The following SLC13A3 variants were observed in gnomAD, a reference collection of about 807,000 sequenced individuals.
SLC13A3 encodes Na(+)/dicarboxylate cotransporter 3.
Under a neutral mutation model 59.0 loss-of-function variants are expected in SLC13A3, and 40 were observed. The ratio of observed to expected loss-of-function variants is 0.68; its 90% CI spans 0.53 to 0.88. SLC13A3 has a LOEUF of 0.88. SLC13A3 is among the 40% of genes least tolerant of loss of function. The pLI, the probability that SLC13A3 is intolerant of heterozygous loss-of-function variation, is 0.00. For synonymous variants in SLC13A3, 317 were observed against 330.3 expected (o/e 0.96, Z 0.44); for missense variants, 699 against 783.2 (o/e 0.89, Z 1.28).
intron 3 of SLC13A3, among the ~76,000 whole-genome samples, chr20:46,604,461 A>T (rs2062415666): frequency 6.6e-6 from 1 of 152,188 alleles, no homozygotes; most frequent in Admixed American, 6.5e-5. Flanking sequence ...ACACAAAAAA[A>T]GTTTGATTTT....
intron 10 of SLC13A3, among the ~76,000 whole-genome samples, chr20:46,570,210 A>G (rs1654385857): frequency 6.6e-6 from 1 of 152,132 alleles, no homozygotes; most frequent in Non-Finnish European, 1.5e-5. Context: ...CACACGAAAC[A>G]CTCTCTGTAC....
intron 1 of SLC13A3, among the ~76,000 whole-genome samples, chr20:46,627,196 A>G (rs1236323912): frequency 6.6e-6 from 1 of 152,248 alleles, no homozygotes; most frequent in Non-Finnish European, 1.5e-5. Flanking sequence ...AATAAATGAT[A>G]TAAAGTCATT....
intron 1 of SLC13A3, among the ~76,000 whole-genome samples, chr20:46,676,551 G>A (rs566677826): frequency 4.0e-5 from 6 of 151,662 alleles, no homozygotes; most frequent in Non-Finnish European, 8.8e-5. Context: ...CACTGCGCCC[G>A]GCCCCTTTTT....
upstream of SLC13A3, among the ~76,000 whole-genome samples, chr20:46,671,566 A>G (rs2063092074): frequency 6.6e-6 from 1 of 152,154 alleles, no homozygotes; most frequent in South Asian, 2.1e-4. Flanking sequence ...ACCAAATCAC[A>G]GTGTGGGTTC....
intron 1 of SLC13A3, among the ~76,000 whole-genome samples, chr20:46,681,377 T>C (rs2063152958): frequency 6.6e-6 from 1 of 150,438 alleles, no homozygotes; most frequent in African/African-American, 2.5e-5. Context: ...GAGAGGGGCA[T>C]GGACTTGGGA....
At position 46,575,696 on chromosome 20, in the gene SLC13A3, A is replaced by G. The variant is rs1284685757; in HGVS notation, c.1220-11T>C. 2 of 1,544,516 alleles carry G rather than the reference A, an allele frequency of 1.3e-6. No individual in the cohort carries two copies. The highest frequency in any genetic ancestry group is 2.3e-5 in the East Asian group (1 of 42,884). On this transcript the variant is annotated splice_polypyrimidine_tract_variant and intron_variant, in intron 9 of 12. Coordinates refer to ENST00000279027, the MANE Select transcript of SLC13A3 (RefSeq NM_022829.6). ...TCTCTGTGTTGGGAGCTGGGCAGAG[A>G]GAGGGATTCAGCACACACTCAGGGC...
At chr20:46,638,660 A>G (rs1415361819) in intron 1 of SLC13A3, among the ~76,000 whole-genome samples, 1 of 152,216 alleles carries the variant, frequency 6.6e-6, no homozygotes, top group African/African-American at 2.4e-5. Context: ...CTCACAGGCT[A>G]GCATGCCCCT....
rs535268371 is a variant in SLC13A3, at chr20:46,566,142, C to T, written c.1494+87G>A. On this transcript the variant is annotated intron_variant, in intron 11 of 12. Transcript: ENST00000279027. Reference sequence around the variant, plus strand: ...TGGAAGACAGCAATGGCAACTGTGGCCCCCAGTGAAGGTCCCTTGGCGGGG... The same window carrying T: ...TGGAAGACAGCAATGGCAACTGTGGTCCCCAGTGAAGGTCCCTTGGCGGGG... 3.0e-5 allele frequency: 33 copies of T among 1,100,666 alleles called. No homozygotes were observed. In the East Asian group the frequency reaches 3.9e-4, roughly 13 times the overall value. 68.2% of individuals were successfully genotyped at this position (1,100,666 alleles called of 1,614,324 possible).
At chr20:46,625,862 G>A (rs1376957271) in intron 1 of SLC13A3, among the ~76,000 whole-genome samples, 1 of 152,176 alleles carries the variant, frequency 6.6e-6, no homozygotes, top group Admixed American at 6.5e-5. Flanking sequence ...CTGCTGAGTA[G>A]TATTCCATTC....
At chr20:46,635,364 C>G (rs1402016661) in intron 1 of SLC13A3, among the ~76,000 whole-genome samples, 2 of 152,152 alleles carry the variant, frequency 1.3e-5, no homozygotes, top group African/African-American at 2.4e-5. Context: ...TCTACCGAGG[C>G]CAAGAAGCAC....
chr20:46,682,506 C>T (rs558523235), intron 1 of SLC13A3: 2 of 151,782 alleles, frequency 1.3e-5, no homozygotes, highest in East Asian at 1.9e-4. Context: ...TTAAATGTTC[C>T]AGGAATGTGG....
At chr20:46,621,070 G>C (rs2062609554) in intron 1 of SLC13A3, among the ~76,000 whole-genome samples, 1 of 152,190 alleles carries the variant, frequency 6.6e-6, no homozygotes, top group South Asian at 2.1e-4. Flanking sequence ...CAACATTTTT[G>C]GGGGGATGCT....
intron 1 of SLC13A3, among the ~76,000 whole-genome samples, chr20:46,662,292 T>A (rs908142613): frequency 6.6e-6 from 1 of 152,198 alleles, no homozygotes; most frequent in Non-Finnish European, 1.5e-5. Context: ...AGCAACAGTC[T>A]CTTATCATTT....
At position 46,575,436 on chromosome 20, in the gene SLC13A3, G is replaced by C; in HGVS notation, c.1332+137C>G. 8.0e-6 allele frequency: 4 copies of C among 499,294 alleles called. No homozygotes were observed. The Admixed American group carries it at 1.5e-4, about 19-fold the overall frequency. The allele number at this position is 499,294 out of a possible 1,614,324, so 30.9% of individuals were successfully genotyped here. On this transcript the variant is annotated intron_variant, in intron 10 of 12. Transcript: ENST00000279027. ...AATGAACTATGATCATCTCAGTTTG[G>C]CAAGTGAGGAAACTGGCTGTGCCCC...
At chr20:46,582,558 G>C in intron 9 of SLC13A3, 3 of 820,872 alleles carry the variant, frequency 3.7e-6, no homozygotes, top group Non-Finnish European at 4.4e-6. Flanking sequence ...AGCTGTGATG[G>C]TGCTACTGCA....
At chr20:46,614,281 G>A (rs567177751) in intron 1 of SLC13A3, among the ~76,000 whole-genome samples, 1 of 152,286 alleles carries the variant, frequency 6.6e-6, no homozygotes, top group Admixed American at 6.5e-5. Flanking sequence ...GGGGGACAGG[G>A]CATATCATGC....
At chr20:46,622,877 C>A (rs2062630702) in intron 1 of SLC13A3, among the ~76,000 whole-genome samples, 1 of 152,124 alleles carries the variant, frequency 6.6e-6, no homozygotes, top group Admixed American at 6.5e-5. Flanking sequence ...AGAGGAACTT[C>A]CTGATAAAAA....
intron 1 of SLC13A3, among the ~76,000 whole-genome samples, chr20:46,618,726 A>G (rs1173862003): frequency 6.6e-6 from 1 of 152,188 alleles, no homozygotes; most frequent in Non-Finnish European, 1.5e-5. Context: ...ATATATTTCT[A>G]TTGTTTAAAT....
At chr20:46,581,665 G>A (rs374832171) in intron 9 of SLC13A3, among the ~76,000 whole-genome samples, 5 of 152,218 alleles carry the variant, frequency 3.3e-5, no homozygotes, top group African/African-American at 9.6e-5. Context: ...GGAGCAGAAA[G>A]TATGAGGGGC....
Sources: allele counts gnomAD v4.1 joint callset (sites outside exome capture counted in the v4.1 genomes callset), GRCh38; gene constraint gnomAD v4.1.1; transcripts MANE v1.5; gene names NCBI Gene and HGNC (gene_info 2026-07-23, HGNC 2026-07-21).